The following ANKS1B variants were observed in gnomAD, a reference collection of about 807,000 sequenced individuals.
ANKS1B encodes ankyrin repeat and sterile alpha motif domain-containing protein 1B.
Under a neutral mutation model 148.3 loss-of-function variants are expected in ANKS1B, and 36 were observed. The ratio of observed to expected loss-of-function variants is 0.24; its 90% CI spans 0.19 to 0.32. The LOEUF (loss-of-function observed/expected upper bound fraction) is 0.32, where lower values mean the gene tolerates loss of function less well. Among genes scored for constraint, ANKS1B ranks in the 10% least tolerant of loss-of-function variants. The pLI is 1.00. For synonymous variants in ANKS1B, 542 were observed against 560.8 expected, an observed-to-expected ratio of 0.97 and a Z score of 0.47; for missense variants, 1,157 against 1,542.6, an observed-to-expected ratio of 0.75 and a Z score of 4.19.
At chr12:99,614,823 T>A (rs769908513) in intron 9 of ANKS1B, among the ~76,000 whole-genome samples, 2 of 151,984 alleles carry the variant, frequency 1.3e-5, no homozygotes, top group Non-Finnish European at 2.9e-5. Context: ...TAGTAATATT[T>A]CTAGGATTTT....
At chr12:99,674,560 T>G (rs1004841125) in intron 8 of ANKS1B, among the ~76,000 whole-genome samples, 1 of 151,766 alleles carries the variant, frequency 6.6e-6, no homozygotes, top group Non-Finnish European at 1.5e-5. Flanking sequence ...GAACTGAATA[T>G]ATAATCTTTA....
chr12:99,199,388 T>C (rs1253011021), intron 14 of ANKS1B, among the ~76,000 whole-genome samples: 2 of 152,194 alleles, frequency 1.3e-5, no homozygotes, highest in African/African-American at 4.8e-5. Context: ...AAACAATTAT[T>C]ATCCTTTCAC....
chr12:99,056,773 C>T lies in ANKS1B; in HGVS notation c.2626-3464G>A, dbSNP rs11109711. Among the ~76,000 whole-genome samples, 790 of 152,290 alleles carry T rather than the reference C, an allele frequency of 5.2e-3. 12 individuals carry two copies. Among genetic ancestry groups the T allele is most frequent in the African/African-American group, 0.018 (758 of 41,564 alleles). On this transcript the variant is annotated intron_variant, in intron 16 of 26. Transcript: ENST00000683438. ...CAATATCTTTGCTAATATAACTTCCCATGCTTGGAATGCTTTTGCCCCTGC... is the reference window on the plus strand; with the variant it reads ...CAATATCTTTGCTAATATAACTTCCTATGCTTGGAATGCTTTTGCCCCTGC...
At chr12:99,383,849 C>CAAAAAAA (rs1160915276) in intron 12 of ANKS1B, among the ~76,000 whole-genome samples, 1 of 77,778 alleles carries the variant, frequency 1.3e-5, no homozygotes, top group African/African-American at 4.5e-5. Context: ...CCCATCTCTA[C>CAAAAAAA]AAAAAAAAAA....
intron 14 of ANKS1B, among the ~76,000 whole-genome samples, chr12:99,164,613 A>G (rs942412636): frequency 6.6e-6 from 1 of 152,028 alleles, no homozygotes; most frequent in African/African-American, 2.4e-5. Context: ...TTTCCCTCTC[A>G]AAAACGCTCT....
At chr12:99,593,180 C>T (rs2097721107) in intron 9 of ANKS1B, among the ~76,000 whole-genome samples, 1 of 151,984 alleles carries the variant, frequency 6.6e-6, no homozygotes, top group Admixed American at 6.6e-5. Flanking sequence ...CCAGAACCAG[C>T]TTTTCAGGTT....
intron 12 of ANKS1B, among the ~76,000 whole-genome samples, chr12:99,249,755 T>TGC (rs2074333729): frequency 6.6e-6 from 1 of 152,130 alleles, no homozygotes; most frequent in African/African-American, 2.4e-5. Flanking sequence ...CGTGGCCATG[T>TGC]GCCTTGTACC....
intron 15 of ANKS1B, among the ~76,000 whole-genome samples, chr12:99,147,257 G>A (rs544333777): frequency 6.6e-6 from 1 of 152,214 alleles, no homozygotes; most frequent in East Asian, 1.9e-4. Context: ...AAAGTGACAA[G>A]TACGCTTAGA....
At chr12:99,132,886 A>G (rs2066578543) in intron 15 of ANKS1B, among the ~76,000 whole-genome samples, 1 of 152,166 alleles carries the variant, frequency 6.6e-6, no homozygotes, top group Non-Finnish European at 1.5e-5. Flanking sequence ...TAACCATTGT[A>G]TGAGGTTGAG....
rs12319028 is a variant in ANKS1B at position 99,640,665 on chromosome 12, G to A, written c.1272+14402C>T. Among the ~76,000 whole-genome samples, 945 of 152,186 alleles carry A rather than the reference G, an allele frequency of 6.2e-3. 8 individuals are homozygous for A. The highest frequency in any genetic ancestry group is 0.021 in the African/African-American group (872 of 41,522). Reference sequence around the variant, plus strand: ...TCTTTTCTTTATAAATTATCCAGTCGGTGGTATTCTGTTACAGCAGCACAA... The same window carrying A: ...TCTTTTCTTTATAAATTATCCAGTCAGTGGTATTCTGTTACAGCAGCACAA... On this transcript the variant is annotated intron_variant, in intron 9 of 26. Coordinates refer to ENST00000683438, the MANE Select transcript of ANKS1B (RefSeq NM_001352186.2).
At chr12:99,873,768 A>G (rs2091792401) in intron 1 of ANKS1B, among the ~76,000 whole-genome samples, 1 of 152,168 alleles carries the variant, frequency 6.6e-6, no homozygotes, top group Non-Finnish European at 1.5e-5. Flanking sequence ...ACACTAAATC[A>G]GTAGACTTTA....
At chr12:99,499,663 C>T (rs1048292639) in intron 10 of ANKS1B, among the ~76,000 whole-genome samples, 11 of 151,914 alleles carry the variant, frequency 7.2e-5, no homozygotes, top group African/African-American at 2.4e-4. Flanking sequence ...GCCATGGCAG[C>T]GATATGAGTA....
At chr12:99,533,974 A>G (rs1408449706) in intron 9 of ANKS1B, among the ~76,000 whole-genome samples, 1 of 152,192 alleles carries the variant, frequency 6.6e-6, no homozygotes, top group Non-Finnish European at 1.5e-5. Context: ...AAACCTTCCA[A>G]TCCCTGTGCT....
intron 8 of ANKS1B, among the ~76,000 whole-genome samples, chr12:99,678,443 C>A (rs1473410684): frequency 6.6e-6 from 1 of 152,118 alleles, no homozygotes; most frequent in Non-Finnish European, 1.5e-5. Context: ...ACTTACTGGA[C>A]AGTGGTCAGA....
chr12:98,969,513 A>G (rs2099881396), intron 17 of ANKS1B, among the ~76,000 whole-genome samples: 1 of 152,152 alleles, frequency 6.6e-6, no homozygotes, highest in African/African-American at 2.4e-5. Context: ...ATTATATAAA[A>G]AATATGAATT....
In ANKS1B at chr12:99,120,965, G is replaced by A. The variant is rs537077731; in HGVS notation, c.2526+33324C>T. Reference sequence around the variant, plus strand: ...AGAAAAAGTACAGGGCTAGTAAAGCGTATCGCATATTAAGAGAATGATGAC... The same window carrying A: ...AGAAAAAGTACAGGGCTAGTAAAGCATATCGCATATTAAGAGAATGATGAC... On this transcript the variant is annotated intron_variant, in intron 15 of 26. Transcript: ENST00000683438. Among the ~76,000 whole-genome samples the A allele has an allele frequency of 6.6e-5, 10 of 152,304 alleles. No homozygotes were observed. The South Asian group carries it at 8.3e-4, about 13-fold the overall frequency.
intron 2 of ANKS1B, among the ~76,000 whole-genome samples, chr12:99,823,600 C>CT (rs1483671123): frequency 2.5e-4 from 38 of 152,326 alleles, no homozygotes; most frequent in African/African-American, 7.9e-4. Flanking sequence ...GCCACTGCAC[C>CT]TGGCCTCAAT....
At chr12:98,763,406 TCTG>T in intron 25 of ANKS1B, among the ~76,000 whole-genome samples, 1 of 152,338 alleles carries the variant, frequency 6.6e-6, no homozygotes, top group East Asian at 1.9e-4. Context: ...TATTAGCAAT[TCTG>T]CTAAGATGTC....
chr12:99,610,086 C>G (rs1243366423), intron 9 of ANKS1B, among the ~76,000 whole-genome samples: 1 of 152,002 alleles, frequency 6.6e-6, no homozygotes, highest in Admixed American at 6.6e-5. Context: ...AGGGTCACAA[C>G]CAACACTCCT....
Sources: gnomAD v4.1 joint callset for allele counts (sites outside exome capture counted in the v4.1 genomes callset) on GRCh38, gnomAD v4.1.1 for gene constraint, MANE v1.5 for transcripts, NCBI Gene and HGNC (gene_info 2026-07-23, HGNC 2026-07-21) for gene names.